Variants in ABCA13 observed in about 807,000 individuals in gnomAD.
ABCA13 encodes ATP-binding cassette sub-family A member 13.
Under a neutral mutation model 478.7 loss-of-function variants are expected in ABCA13, and 476 were observed. The ratio of observed to expected loss-of-function variants is 0.99; its 90% confidence interval spans 0.92 to 1.07. The LOEUF (loss-of-function observed/expected upper bound fraction) is 1.07. Among genes scored for constraint, ABCA13 ranks in the 50% least tolerant of loss-of-function variants. ABCA13 has a pLI of 0.00. For synonymous variants in ABCA13, 2,252 were observed against 2,158.9 expected, an observed-to-expected ratio of 1.04 and a Z score of -1.20; for missense variants, 6,060 against 5,910.6, an observed-to-expected ratio of 1.03 and a Z score of -0.83.
intron 5 of ABCA13, among the ~76,000 whole-genome samples, chr7:48,222,312 TA>T (rs1455478391): frequency 1.3e-5 from 2 of 152,214 alleles, no homozygotes; most frequent in African/African-American, 4.8e-5. Flanking sequence ...AATTAGCATT[TA>T]AAAAAGAAAT....
chr7:48,243,999 A>G (rs913380365), intron 10 of ABCA13, among the ~76,000 whole-genome samples: 1 of 152,262 alleles, frequency 6.6e-6, no homozygotes, highest in East Asian at 1.9e-4. Context: ...GGTTCTTCAC[A>G]TTATCAAACT....
At chr7:48,210,659 C>A (rs556571615) in intron 3 of ABCA13, among the ~76,000 whole-genome samples, 2 of 151,852 alleles carry the variant, frequency 1.3e-5, no homozygotes, top group African/African-American at 2.4e-5. Flanking sequence ...CAAAGTTGAT[C>A]TTGTTATTGA....
In ABCA13 at chr7:48,279,225, T is replaced by C. The variant is rs369624290; in HGVS notation, c.8031T>C (p.Ile2677=). The change falls in exon 18 of 62, where the codon ATT becomes ATC. Residue 2677 remains isoleucine, a synonymous_variant. Transcript: ENST00000435803. ...SMDSVNLREE[I]LGCLVPINNI... ...ATTCTGTCAACTTACGGGAAGAAAT[T>C]CTGGGTTGCTTAGTTCCTATAAATA... 8 of 1,590,124 alleles carry C rather than the reference T, an allele frequency of 5.0e-6. No individual in the cohort carries two copies. Among genetic ancestry groups the C allele is most frequent in the Middle Eastern group, 1.7e-4 (1 of 6,038 alleles).
rs201146576 is a variant in ABCA13, at chr7:48,412,328, C to A, written c.12229-25C>A. 4.2e-4 allele frequency: 664 copies of A among 1,572,192 alleles called. 5 individuals carry two copies. In the African/African-American group the frequency reaches 8.4e-3, roughly 20 times the overall value. On this transcript the variant is annotated intron_variant, in intron 40 of 61. Coordinates refer to ENST00000435803, the MANE Select transcript of ABCA13 (RefSeq NM_152701.5). ...ATGGATTAACATTCCTTACTGGCTT[C>A]TTTTTTCCTTTTTTTTATGGATAGC...
At position 48,594,731 on chromosome 7, in the gene ABCA13, G is replaced by A. The variant is rs1397241273; in HGVS notation, c.14662G>A (p.Asp4888Asn). The A allele has an allele frequency of 1.1e-5, 17 of 1,613,802 alleles. No individual in the cohort carries two copies. Among genetic ancestry groups the A allele is most frequent in the Non-Finnish European group, 1.4e-5 (16 of 1,179,818 alleles). The change falls in exon 58 of 62, where the codon GAT becomes AAT. Residue 4888 changes from aspartate (D) to asparagine (N), a missense_variant. Asp to Asn is a conservative substitution (Grantham distance 23). This residue lies in a region of ABCA13 where 1,627 missense variants were observed against 1,571.0 expected (regional missense o/e 1.04). Coordinates refer to ENST00000435803, the MANE Select transcript of ABCA13 (RefSeq NM_152701.5). ...TCAGGATGAGCCCAGCTCTGGGATG[G>A]ATCCCTGCTCTAAGCGGTACCTGTG... The part of the protein sequence containing the change: ...LLLDEPSSGM[D>N]PCSKRYLWQT...
chr7:48,436,103 A>C (rs1348887570), intron 42 of ABCA13, among the ~76,000 whole-genome samples: 1 of 151,530 alleles, frequency 6.6e-6, no homozygotes, highest in Non-Finnish European at 1.5e-5. Flanking sequence ...CTTGTTGCTA[A>C]TTCTTTATAG....
chr7:48,295,971 C>CA, intron 21 of ABCA13, 108 bp downstream of exon 21: 1 of 1,277,736 alleles, frequency 7.8e-7, no homozygotes, highest in Non-Finnish European at 1.0e-6. Flanking sequence ...ATAATATACT[C>CA]TTAATGTGCA....
Position 48,374,423 on chromosome 7 carries a change from G to T in ABCA13, c.11203+7G>T. 2 of 1,604,520 alleles carry T rather than the reference G, an allele frequency of 1.2e-6. No individual in the cohort carries two copies. The highest frequency in any genetic ancestry group is 1.7e-6 in the Non-Finnish European group (2 of 1,175,654). The stretch of plus-strand genomic sequence containing the variant: ...CTGGAAGGACAAGAGACAGGTAAGA[G>T]CATGCATGTGTAAAAAGTGACTCTC... On this transcript the variant is annotated splice_region_variant and intron_variant, in intron 34 of 61. Transcript: ENST00000435803.
In ABCA13 at chr7:48,171,525, G is replaced by T; in HGVS notation, c.42G>T (p.Lys14Asn). 6.5e-7 allele frequency: 1 copy of T among 1,536,406 alleles called. No individual in the cohort carries two copies. Among genetic ancestry groups the T allele is most frequent in the Non-Finnish European group, 8.7e-7 (1 of 1,146,900 alleles). The part of the protein sequence containing the change: ...AGCQFKALLW[K>N]NWLCRLRNPV... ...GCCAGTTCAAAGCCCTGCTGTGGAA[G>T]AATTGGCTCTGCAGACTCAGGAACC... The change falls in exon 1 of 62, where the codon AAG becomes AAT. Residue 14 changes from lysine to asparagine, a missense_variant. Physicochemically the swap from Lys to Asn is moderately conservative, Grantham distance 94. Around this residue, in one of 3 missense-constraint regions of ABCA13, gnomAD observed 4,423 missense variants for 4,309.1 expected, o/e 1.03. Coordinates refer to ENST00000435803, the MANE Select transcript of ABCA13 (RefSeq NM_152701.5).
intron 41 of ABCA13, 56 bp downstream of exon 41, chr7:48,412,639 A>G (rs1044836298): frequency 2.1e-6 from 3 of 1,397,674 alleles, no homozygotes. Context: ...ACCAGTCCAC[A>G]TTAAATGAAG....
chr7:48,282,141 A>G, intron 19 of ABCA13, among the ~76,000 whole-genome samples: 1 of 152,212 alleles, frequency 6.6e-6, no homozygotes, highest in East Asian at 1.9e-4. Flanking sequence ...GAATTAATTC[A>G]TCTGCTAAGA....
intron 3 of ABCA13, among the ~76,000 whole-genome samples, chr7:48,201,688 C>G (rs13229079): frequency 0.2 from 30,901 of 152,116 alleles, 3,391 homozygotes; most frequent in Middle Eastern, 0.26. Flanking sequence ...CCACTAAACT[C>G]CAGCCTGGGC....
At chr7:48,223,819 C>T (rs1042579994) in intron 5 of ABCA13, among the ~76,000 whole-genome samples, 11 of 151,808 alleles carry the variant, frequency 7.2e-5, no homozygotes, top group East Asian at 1.9e-4. Flanking sequence ...GATCCAGGCG[C>T]GTAATGGCAG....
At position 48,563,684 on chromosome 7, in the gene ABCA13, A is replaced by G. The variant is rs112997773; in HGVS notation, c.14355-16540A>G. On this transcript the variant is annotated intron_variant, in intron 55 of 61. Transcript: ENST00000435803. ...TTGTAATGGCCTGTGGTCAGGCCTGAAAAGTTGCATAAGTCTTTAATTGGA... is the reference window on the plus strand; with the variant it reads ...TTGTAATGGCCTGTGGTCAGGCCTGGAAAGTTGCATAAGTCTTTAATTGGA... Among the ~76,000 whole-genome samples the G allele has an allele frequency of 4.3e-3, 653 of 152,244 alleles. 6 individuals are homozygous for G. The highest frequency in any genetic ancestry group is 7.9e-3 in the South Asian group (38 of 4,828).
intron 36 of ABCA13, 60 bp downstream of exon 36, chr7:48,388,019 T>C (rs1455681867): frequency 6.5e-7 from 1 of 1,546,536 alleles, no homozygotes; most frequent in East Asian, 2.3e-5. Context: ...TTTTGATTTT[T>C]TTTTGTTTGT....
At position 48,288,034 on chromosome 7, in the gene ABCA13, T is replaced by G. The variant is rs1431054945; in HGVS notation, c.8911T>G (p.Leu2971Val). The G allele has an allele frequency of 6.2e-7, 1 of 1,613,936 alleles. No homozygotes were observed. The highest frequency in any genetic ancestry group is 1.3e-5 in the African/African-American group (1 of 74,932). Residue 2971 changes from leucine (L) to valine (V), a missense_variant, in exon 20 of 62, where the codon TTA (leucine) becomes GTA (valine). Around this residue, in one of 3 missense-constraint regions of ABCA13, gnomAD observed 4,423 missense variants for 4,309.1 expected, o/e 1.03. Coordinates refer to ENST00000435803, the MANE Select transcript of ABCA13 (RefSeq NM_152701.5). ...GCAAAATGGGATAAGGCATCTCATT[T>G]TATCTGCTATACAAGGGGTCACTTT... ...CKQNGIRHLI[L>V]SAIQGVTLAQ...
chr7:48,234,129 A>G lies in ABCA13; in HGVS notation c.875A>G (p.Asn292Ser), dbSNP rs1385904233. 2 of 1,613,724 alleles carry G rather than the reference A, an allele frequency of 1.2e-6. No individual in the cohort carries two copies. Among genetic ancestry groups the G allele is most frequent in the African/African-American group, 2.7e-5 (2 of 74,866 alleles). ...GATCTTCACACGGAACAGATCCTGA[A>G]CTCTTCAGCTGAACTGAAGGAGGTA... is the stretch of plus-strand genomic sequence containing the variant. ...FDDLHTEQIL[N>S]SSAELKEIPT... Residue 292 changes from asparagine (N) to serine (S), a missense_variant, in exon 8 of 62, where the codon AAC (asparagine) becomes AGC (serine). Around this residue, in one of 3 missense-constraint regions of ABCA13, gnomAD observed 4,423 missense variants for 4,309.1 expected, o/e 1.03. Coordinates refer to ENST00000435803, the MANE Select transcript of ABCA13 (RefSeq NM_152701.5).
At chr7:48,390,866 G>A (rs1815947425) in intron 37 of ABCA13, among the ~76,000 whole-genome samples, 1 of 152,134 alleles carries the variant, frequency 6.6e-6, no homozygotes, top group Admixed American at 6.5e-5. Flanking sequence ...GTTTCTCTTT[G>A]TCAGTGATTG....
chr7:48,367,683 C>T, intron 31 of ABCA13, 111 bp from the exon 32 acceptor site: 1 of 804,676 alleles, frequency 1.2e-6, no homozygotes, highest in South Asian at 1.5e-5. Flanking sequence ...GTAGAAATGA[C>T]CAAAGGAGAT....
Sources: gnomAD v4.1 joint callset for allele counts (sites outside exome capture counted in the v4.1 genomes callset) on GRCh38, gnomAD v4.1.1 for gene constraint, gnomAD v4.1.1 regional missense constraint, MANE v1.5 for transcripts, NCBI Gene and HGNC (gene_info 2026-07-23, HGNC 2026-07-21) for gene names.